ACSF2: variants seen among roughly 807,000 people sequenced by gnomAD.
The protein encoded by ACSF2 is medium-chain acyl-CoA ligase ACSF2, mitochondrial.
A neutral mutation model predicts 79.3 loss-of-function variants in ACSF2; 52 were observed. That is an observed-to-expected ratio of 0.66 (90% CI 0.53 to 0.83). The LOEUF (loss-of-function observed/expected upper bound fraction) is 0.83, where lower values mean the gene tolerates loss of function less well. Ranked by LOEUF, ACSF2 falls within the 40% of genes least tolerant of loss-of-function variation. The pLI, the probability that ACSF2 is intolerant of heterozygous loss-of-function variation, is 0.00. For missense variants in ACSF2, 661 were observed against 803.3 expected, an observed-to-expected ratio of 0.82 and a Z score of 2.14; for synonymous variants, 283 against 312.6, an observed-to-expected ratio of 0.91 and a Z score of 1.00.
At chr17:50,464,758 T>C in intron 10 of ACSF2, 1 of 270,574 alleles carries the variant, frequency 3.7e-6, no homozygotes. Context: ...CTGTTGTGGT[T>C]CTGATTGACT....
At chr17:50,438,607 C>A (rs1455201500) in intron 1 of ACSF2, among the ~76,000 whole-genome samples, 1 of 151,930 alleles carries the variant, frequency 6.6e-6, no homozygotes, top group East Asian at 1.9e-4. Context: ...CACTCTGTCA[C>A]CCAGGCTGGA....
At chr17:50,469,982 G>C (rs1363887958) in intron 10 of ACSF2, 1 of 152,374 alleles carries the variant, frequency 6.6e-6, no homozygotes, top group Non-Finnish European at 1.5e-5. Flanking sequence ...AGCAGGCAGG[G>C]TCACAGCTCT....
intron 1 of ACSF2, among the ~76,000 whole-genome samples, chr17:50,446,108 C>T (rs1395076295): frequency 6.6e-6 from 1 of 152,134 alleles, no homozygotes; most frequent in African/African-American, 2.4e-5. Flanking sequence ...GCTTGCCCAG[C>T]TTTATTTATT....
chr17:50,462,184 G>C lies in ACSF2; in HGVS notation c.508G>C (p.Val170Leu). ...AMELEYVLKK[V>L]GCKALVFPKQ... ...GAGGTGGGGGACTCCCCTTCCACAG[G>C]TGGGCTGCAAGGCCCTTGTGTTCCC... The change falls in exon 5 of 16, where the codon GTG (valine) becomes CTG (leucine). Residue 170 changes from valine (V) to leucine (L), a missense_variant and splice_region_variant. By Grantham distance (32) the Val-to-Leu change is conservative. Coordinates refer to ENST00000300441, the MANE Select transcript of ACSF2 (RefSeq NM_025149.6). 1 of 1,613,786 alleles carries C rather than the reference G, an allele frequency of 6.2e-7. No homozygotes were observed. The highest frequency in any genetic ancestry group is 8.5e-7 in the Non-Finnish European group (1 of 1,179,924).
At chr17:50,464,879 A>C in intron 10 of ACSF2, 1 of 347,560 alleles carries the variant, frequency 2.9e-6, no homozygotes, top group Non-Finnish European at 5.6e-6. Context: ...TGCTGGGTGG[A>C]GCTGGGTTGG....
At chr17:50,429,140 A>T (rs1340922720) in intron 1 of ACSF2, among the ~76,000 whole-genome samples, 1 of 152,248 alleles carries the variant, frequency 6.6e-6, no homozygotes, top group Non-Finnish European at 1.5e-5. Flanking sequence ...ACTATCCTGG[A>T]TGACAGCCCT....
chr17:50,474,255 C>T lies in ACSF2; in HGVS notation c.1785C>T (p.Thr595=). 6.2e-7 allele frequency: 1 copy of T among 1,614,218 alleles called. No individual in the cohort carries two copies. Among genetic ancestry groups the T allele is most frequent in the South Asian group, 1.1e-5 (1 of 91,088 alleles). The change falls in exon 15 of 16, where the codon ACC becomes ACT. Residue 595 remains threonine, a synonymous_variant. Coordinates refer to ENST00000300441, the MANE Select transcript of ACSF2 (RefSeq NM_025149.6). The surrounding 1 kb of genome is among the most constrained non-coding windows in gnomAD (Gnocchi z 4.2). The stretch of plus-strand genomic sequence containing the variant: ...TGTTTGTCACAAACTACCCCCTCAC[C>T]ATTTCAGGAAAGGTGTGTAAGGTGG... The part of the protein sequence containing the change: ...YIVFVTNYPL[T]ISGKIQKFKL...
chr17:50,455,587 T>G lies in ACSF2; in HGVS notation c.129-5090T>G, dbSNP rs549819422. Among the ~76,000 whole-genome samples the G allele has an allele frequency of 3.3e-5, 5 of 152,310 alleles. 1 individual carries two copies. The highest frequency in any genetic ancestry group is 1.2e-4 in the African/African-American group (5 of 41,564). On this transcript the variant is annotated intron_variant, in intron 1 of 15. Transcript: ENST00000300441. Reference sequence around the variant, plus strand: ...GCCCCATGGGGTTGACTGCTGTCCCTGGAGGCATGAGCTCCTCTTCCAGGC... The same window carrying G: ...GCCCCATGGGGTTGACTGCTGTCCCGGGAGGCATGAGCTCCTCTTCCAGGC...
chr17:50,465,755 A>G, intron 10 of ACSF2: 1 of 1,613,716 alleles, frequency 6.2e-7, no homozygotes, highest in Non-Finnish European at 8.5e-7. Context: ...GTTATTGGTA[A>G]GGGCGAGGGT....
At position 50,463,360 on chromosome 17, in the gene ACSF2, C is replaced by T. The variant is rs759219168; in HGVS notation, c.889-35C>T. The T allele has an allele frequency of 1.2e-6, 2 of 1,611,934 alleles. No homozygotes were observed. The highest frequency in any genetic ancestry group is 1.1e-5 in the South Asian group (1 of 90,760). ...GCTAGAGAGGAACTGGCGTCTGGCT[C>T]CAAGACAGACCCAGCCTCCTGTCTC... is the stretch of plus-strand genomic sequence containing the variant. On this transcript the variant is annotated intron_variant, in intron 7 of 15. Transcript: ENST00000300441. The surrounding 1 kb of genome is among the most constrained non-coding windows in gnomAD (Gnocchi z 4.6).
chr17:50,464,136 C>G, intron 9 of ACSF2, 82 bp from the exon 10 acceptor site: 1 of 1,460,554 alleles, frequency 6.8e-7, no homozygotes, highest in Non-Finnish European at 9.6e-7. Context: ...GGGAATGTTC[C>G]TCCCCTGAAT....
chr17:50,463,893 C>T lies in ACSF2; in HGVS notation c.1122C>T (p.Ile374=), dbSNP rs1279944032. The part of the protein sequence containing the change: ...LNQPDFSSYD[I]STMCGGVIAG... ...AGCCAGACTTCTCCAGTTATGACAT[C>T]TCGACCATGTGTGGAGGTGGGGTGG... Residue 374 remains isoleucine, a synonymous_variant, in exon 9 of 16, where the codon ATC becomes ATT. Transcript: ENST00000300441. This position sits in a 1 kb window ranked among gnomAD's most constrained non-coding sequence, Gnocchi z 4.6. 6.2e-7 allele frequency: 1 copy of T among 1,614,130 alleles called. No homozygotes were observed. The highest frequency in any genetic ancestry group is 1.1e-5 in the South Asian group (1 of 91,086).
chr17:50,426,971 A>C, intron 1 of ACSF2: 4 of 1,535,764 alleles, frequency 2.6e-6, no homozygotes, highest in Non-Finnish European at 3.5e-6. Flanking sequence ...CTGCCTCTGC[A>C]GCAGCACAGT....
chr17:50,456,498 C>T (rs1199055568), intron 1 of ACSF2, among the ~76,000 whole-genome samples: 1 of 151,654 alleles, frequency 6.6e-6, no homozygotes, highest in East Asian at 1.9e-4. Context: ...TTTGGGAGGC[C>T]GAGGCGGGCG....
chr17:50,463,816 A>G lies in ACSF2; in HGVS notation c.1047-2A>G. 1.9e-6 allele frequency: 3 copies of G among 1,613,950 alleles called. No homozygotes were observed. Among genetic ancestry groups the G allele is most frequent in the Non-Finnish European group, 2.5e-6 (3 of 1,179,878 alleles). On this transcript the variant is annotated splice_acceptor_variant, in intron 8 of 15. Transcript: ENST00000300441. LOFTEE classifies it high-confidence loss of function. This position sits in a 1 kb window ranked among gnomAD's most constrained non-coding sequence, Gnocchi z 4.6. Reference sequence around the variant, plus strand: ...CTAATTTCGAGACCTCCTCCTATACAGAGGCACCTTCCTGTATGGTACCCC... The same window carrying G: ...CTAATTTCGAGACCTCCTCCTATACGGAGGCACCTTCCTGTATGGTACCCC...
chr17:50,462,132 C>A, intron 4 of ACSF2, 52 bp from the exon 5 acceptor site: 1 of 1,521,032 alleles, frequency 6.6e-7, no homozygotes, highest in Non-Finnish European at 9.1e-7. Flanking sequence ...TCCCCCAGAG[C>A]TCTAGTCTGG....
intron 1 of ACSF2, among the ~76,000 whole-genome samples, chr17:50,433,567 A>G (rs936183214): frequency 1.3e-5 from 2 of 151,934 alleles, no homozygotes; most frequent in East Asian, 1.9e-4. Context: ...ATTCCTAGGC[A>G]CTCTTCTCCT....
chr17:50,447,170 C>G (rs1257511349), intron 1 of ACSF2, among the ~76,000 whole-genome samples: 2 of 152,136 alleles, frequency 1.3e-5, no homozygotes, highest in Non-Finnish European at 2.9e-5. Context: ...CACTAAGCAA[C>G]CACTTAATCT....
intron 1 of ACSF2, among the ~76,000 whole-genome samples, chr17:50,441,970 G>C (rs1423332851): frequency 6.6e-6 from 1 of 152,038 alleles, no homozygotes; most frequent in Non-Finnish European, 1.5e-5. Context: ...CTCCCAAGTA[G>C]CTGGGACACA....
Sources: allele counts gnomAD v4.1 joint callset (sites outside exome capture counted in the v4.1 genomes callset), GRCh38; gene constraint gnomAD v4.1.1; non-coding constraint Gnocchi (gnomAD v3.1); transcripts MANE v1.5; gene names NCBI Gene and HGNC (gene_info 2026-07-23, HGNC 2026-07-21).